VPS54: variants seen among roughly 807,000 people sequenced by gnomAD.
VPS54 encodes vacuolar protein sorting-associated protein 54.
A neutral mutation model predicts 121.5 loss-of-function variants in VPS54; 45 were observed. That is an observed-to-expected ratio of 0.37 (90% CI 0.29 to 0.47). VPS54 has a LOEUF of 0.47. VPS54 is among the 20% of genes least tolerant of loss of function. The pLI is 0.99. For missense variants in VPS54, 1,090 were observed against 1,131.4 expected, an observed-to-expected ratio of 0.96 and a Z score of 0.52; for synonymous variants, 371 against 385.8, an observed-to-expected ratio of 0.96 and a Z score of 0.45.
chr2:63,962,139 G>C lies in VPS54; in HGVS notation c.929C>G (p.Ser310Cys). The C allele has an allele frequency of 6.2e-7, 1 of 1,610,156 alleles. No homozygotes were observed. The highest frequency in any genetic ancestry group is 1.1e-5 in the South Asian group (1 of 90,988). ...QPTVQVLLST[S>C]EFVGALDLIA... is the part of the protein sequence containing the mutation. ...TAAGTCCAATGCTCCAACAAATTCA[G>C]AAGTAGATAATAACACCTGTACTGT... Residue 310 changes from serine (S) to cysteine (C), a missense_variant, in exon 7 of 23, where the codon TCT (serine) becomes TGT (cysteine). Physicochemically the swap from Ser to Cys is moderately radical, Grantham distance 112. Around this residue, in one of 2 missense-constraint regions of VPS54, gnomAD observed 801 missense variants for 757.0 expected, o/e 1.06. Coordinates refer to ENST00000272322, the MANE Select transcript of VPS54 (RefSeq NM_016516.3).
chr2:63,915,631 G>C (rs890851917), intron 16 of VPS54, among the ~76,000 whole-genome samples: 6 of 152,166 alleles, frequency 3.9e-5, no homozygotes, highest in African/African-American at 1.2e-4. Context: ...AGCAAGTGAA[G>C]AGTGACCAGA....
intron 1 of VPS54, among the ~76,000 whole-genome samples, chr2:63,990,281 C>G (rs1356284471): frequency 6.6e-6 from 1 of 152,114 alleles, no homozygotes; most frequent in Non-Finnish European, 1.5e-5. Context: ...CCCCTGCTGA[C>G]CTTGTTTCTT....
At chr2:63,947,646 TTATCA>T (rs1264544403) in intron 8 of VPS54, among the ~76,000 whole-genome samples, 156 bp from the exon 9 acceptor site, 1 of 151,922 alleles carries the variant, frequency 6.6e-6, no homozygotes, top group Non-Finnish European at 1.5e-5. Context: ...CACAGCAATC[TTATCA>T]TGAGATTTTT....
chr2:63,921,101 TA>T lies in VPS54; in HGVS notation c.1869+104del, dbSNP rs1202782069. 1.0e-5 allele frequency: 13 copies of T among 1,243,170 alleles called. No individual in the cohort carries two copies. In the African/African-American group the frequency reaches 1.8e-4, roughly 17 times the overall value. 77.0% of individuals were successfully genotyped at this position (1,243,170 alleles called of 1,614,324 possible). A position where few individuals can be genotyped will look rare whatever the true frequency, so the allele number is the denominator to read the frequency against. On this transcript the variant is annotated intron_variant, in intron 13 of 22. Coordinates refer to ENST00000272322, the MANE Select transcript of VPS54 (RefSeq NM_016516.3). ...TGGTAACACTGACTTTATTAAATGTTAAAAATATAATATGCATTATGGGGAA... is the reference window on the plus strand; with the variant it reads ...TGGTAACACTGACTTTATTAAATGTTAAAATATAATATGCATTATGGGGAA...
chr2:63,919,296 C>A (rs1203889214), intron 15 of VPS54, among the ~76,000 whole-genome samples: 1 of 151,866 alleles, frequency 6.6e-6, no homozygotes, highest in Non-Finnish European at 1.5e-5. Flanking sequence ...TCTTTCTTTA[C>A]GTTTGGATTT....
At chr2:63,983,577 A>G (rs1034233255) in intron 2 of VPS54, among the ~76,000 whole-genome samples, 6 of 150,222 alleles carry the variant, frequency 4.0e-5, no homozygotes, top group Non-Finnish European at 8.9e-5. Flanking sequence ...AGAGTAGCTG[A>G]GACTACAGGC....
chr2:63,990,567 C>G (rs1375019669), intron 1 of VPS54, among the ~76,000 whole-genome samples: 1 of 152,132 alleles, frequency 6.6e-6, no homozygotes, highest in Non-Finnish European at 1.5e-5. Flanking sequence ...CAGGATACCT[C>G]TGCTCCTTCT....
At chr2:64,015,594 CA>C (rs1678646415) in intron 1 of VPS54, among the ~76,000 whole-genome samples, 2 of 152,140 alleles carry the variant, frequency 1.3e-5, no homozygotes, top group Non-Finnish European at 1.5e-5. Flanking sequence ...TGGCCAATAC[CA>C]TTTCCTTCAG....
chr2:63,912,326 A>G lies in VPS54; in HGVS notation c.2625+19T>C, dbSNP rs769797979. On this transcript the variant is annotated intron_variant, in intron 20 of 22. Transcript: ENST00000272322. Reference sequence around the variant, plus strand: ...ATAATGTCTTTGAACAAAGTCTAATAATTTCTATAAATCATTACCTTAGAT... The same window carrying G: ...ATAATGTCTTTGAACAAAGTCTAATGATTTCTATAAATCATTACCTTAGAT... 1 of 1,570,742 alleles carries G rather than the reference A, an allele frequency of 6.4e-7. No individual in the cohort carries two copies. The highest frequency in any genetic ancestry group is 1.8e-5 in the Admixed American group (1 of 56,570).
chr2:63,988,524 G>A (rs1274903664), intron 1 of VPS54, among the ~76,000 whole-genome samples: 3 of 152,150 alleles, frequency 2.0e-5, no homozygotes, highest in Non-Finnish European at 4.4e-5. Flanking sequence ...AAAATTTCAT[G>A]GACATTTGTT....
At chr2:63,893,683 C>A in intron 22 of VPS54, 148 bp from the exon 23 acceptor site, 1 of 655,908 alleles carries the variant, frequency 1.5e-6, no homozygotes, top group South Asian at 2.1e-5. Context: ...TAGCAGGATT[C>A]CTGCTATGAA....
chr2:63,967,915 G>A lies in VPS54; in HGVS notation c.492+1042C>T, dbSNP rs889740399. On this transcript the variant is annotated intron_variant, in intron 5 of 22. Transcript: ENST00000272322. ...AAAGATTACAGAGAATTAGATATGG[G>A]AAGATGAGGGAAAAGTCTTCCAGGA... Among the ~76,000 whole-genome samples, 3 of 151,920 alleles carry A rather than the reference G, an allele frequency of 2.0e-5. No individual in the cohort carries two copies. In the East Asian group the frequency reaches 5.8e-4, roughly 29 times the overall value.
intron 4 of VPS54, among the ~76,000 whole-genome samples, chr2:63,970,195 A>T (rs916960769): frequency 2.8e-4 from 23 of 82,572 alleles, no homozygotes; most frequent in African/African-American, 1.0e-3. Context: ...CTTTCCCATT[A>T]AAAAAAAATA....
intron 17 of VPS54, 186 bp downstream of exon 17, chr2:63,913,996 T>C (rs1409070272): frequency 1.6e-6 from 2 of 1,231,148 alleles, no homozygotes; most frequent in East Asian, 5.4e-5. Flanking sequence ...TCACTAACTG[T>C]GGAGTAAGAA....
chr2:63,914,727 A>G (rs1329727482), intron 16 of VPS54, among the ~76,000 whole-genome samples: 1 of 152,110 alleles, frequency 6.6e-6, no homozygotes, highest in Non-Finnish European at 1.5e-5. Context: ...ATCATAACTA[A>G]TGAATTGATG....
intron 22 of VPS54, 135 bp downstream of exon 22, chr2:63,897,361 A>G: frequency 1.6e-6 from 1 of 615,026 alleles, no homozygotes; most frequent in Middle Eastern, 2.7e-4. Context: ...GGAAAAAAAA[A>G]ACACAAAAGC....
chr2:63,967,818 T>C (rs1166518907), intron 5 of VPS54, among the ~76,000 whole-genome samples: 1 of 151,652 alleles, frequency 6.6e-6, no homozygotes, highest in African/African-American at 2.4e-5. Flanking sequence ...TTATGGGAAT[T>C]TGGCAAAAGG....
At chr2:63,996,363 A>G (rs1405211603) in intron 1 of VPS54, among the ~76,000 whole-genome samples, 1 of 152,170 alleles carries the variant, frequency 6.6e-6, no homozygotes, top group Non-Finnish European at 1.5e-5. Context: ...CTTTACTTTA[A>G]TCTCTTAATC....
rs535919486 is a variant in VPS54 at position 63,943,214 on chromosome 2, T to C, written c.1302-653A>G. Among the ~76,000 whole-genome samples, 42 of 152,318 alleles carry C rather than the reference T, an allele frequency of 2.8e-4. No homozygotes were observed. The Middle Eastern group carries it at 0.01, about 37-fold the overall frequency. On this transcript the variant is annotated intron_variant, in intron 10 of 22. Transcript: ENST00000272322. ...TATTTTGATAGTTGACAGAAATCAT[T>C]AACTTCAAGGTGAAAAAAAGTAATA...
Sources: gnomAD v4.1 joint callset for allele counts (sites outside exome capture counted in the v4.1 genomes callset) on GRCh38, gnomAD v4.1.1 for gene constraint, gnomAD v4.1.1 regional missense constraint, MANE v1.5 for transcripts, NCBI Gene and HGNC (gene_info 2026-07-23, HGNC 2026-07-21) for gene names.